Variants in COG3 observed in about 807,000 individuals in gnomAD.
COG3 encodes the protein component of oligomeric golgi complex 3.
In COG3, 32 loss-of-function variants were observed where a neutral mutation model predicts 114.1. The ratio of observed to expected loss-of-function variants is 0.28; its 90% CI spans 0.21 to 0.38. The LOEUF (loss-of-function observed/expected upper bound fraction) is 0.38. COG3 is among the 10% of genes least tolerant of loss of function. The probability of loss-of-function intolerance (pLI) is 1.00; values close to 1 mark genes in which losing one functional copy is unlikely to be tolerated. For synonymous variants in COG3, 352 were observed against 365.7 expected, an observed-to-expected ratio of 0.96 and a Z score of 0.43; for missense variants, 813 against 973.2, an observed-to-expected ratio of 0.84 and a Z score of 2.19.
intron 16 of COG3, among the ~76,000 whole-genome samples, chr13:45,514,276 T>A (rs1451156529): frequency 6.7e-6 from 1 of 150,192 alleles, no homozygotes; most frequent in African/African-American, 2.5e-5. Flanking sequence ...TTCTTGTGCC[T>A]TAGCCACCCA....
In COG3 at chr13:45,491,441, A is replaced by G. The variant is rs759191300; in HGVS notation, c.998A>G (p.Gln333Arg). The G allele has an allele frequency of 3.7e-6, 6 of 1,612,296 alleles. No individual in the cohort carries two copies. The highest frequency in any genetic ancestry group is 5.1e-6 in the Non-Finnish European group (6 of 1,179,436). The change falls in exon 10 of 23, where the codon CAG (glutamine) becomes CGG (arginine). Residue 333 changes from glutamine to arginine, a missense_variant. Transcript: ENST00000349995. ...EYQQLLNDIH[Q>R]CYLDQRELLL... Reference sequence around the variant, plus strand: ...CAACAACTGCTAAATGATATCCACCAGTGTTACCTTGATCAGCGGGAGCTC... The same window carrying G: ...CAACAACTGCTAAATGATATCCACCGGTGTTACCTTGATCAGCGGGAGCTC...
chr13:45,524,955 T>A, intron 19 of COG3, 21 bp from the exon 20 acceptor site: 3 of 1,605,560 alleles, frequency 1.9e-6, no homozygotes, highest in Non-Finnish European at 2.6e-6. Context: ...AAACTTTTTT[T>A]CTTTTTGTCT....
At chr13:45,519,849 C>A (rs1248495532) in intron 19 of COG3, among the ~76,000 whole-genome samples, 1 of 152,168 alleles carries the variant, frequency 6.6e-6, no homozygotes, top group African/African-American at 2.4e-5. Flanking sequence ...TCTCTGTCTT[C>A]TAATCTAAAA....
At chr13:45,485,400 GC>G (rs1232527954) in intron 7 of COG3, among the ~76,000 whole-genome samples, 2 of 1,284 alleles carry the variant, frequency 1.6e-3, no homozygotes, top group Non-Finnish European at 2.7e-3. Context: ...GGCTGGCCGG[GC>G]GGGGGGGCTG....
At chr13:45,489,412 A>G (rs2137824404) in intron 8 of COG3, among the ~76,000 whole-genome samples, 1 of 152,128 alleles carries the variant, frequency 6.6e-6, no homozygotes, top group East Asian at 1.9e-4. Context: ...TTATGGCATG[A>G]AGATTTAGAT....
Position 45,465,430 on chromosome 13 carries a change from G to A in COG3, c.174+220G>A, listed in dbSNP as rs1217909570. ...ATTCTGCCTGGGGACGGCTGTGGGG[G>A]TGTCCTGCAGCTGGTGCTCGCCGGA... On this transcript the variant is annotated intron_variant, in intron 1 of 22. Transcript: ENST00000349995. The A allele has an allele frequency of 1.9e-5, 14 of 719,388 alleles. No individual in the cohort carries two copies. In the South Asian group the frequency reaches 3.0e-4, roughly 15 times the overall value. The allele number at this position is 719,388 out of a possible 1,614,324, so 44.6% of individuals were successfully genotyped here.
At chr13:45,488,271 G>A (rs1375834614) in intron 8 of COG3, among the ~76,000 whole-genome samples, 2 of 152,024 alleles carry the variant, frequency 1.3e-5, no homozygotes, top group African/African-American at 4.8e-5. Flanking sequence ...GGGTATAAAT[G>A]TACAGTTTAA....
At chr13:45,512,864 C>G (rs2137887061) in intron 16 of COG3, among the ~76,000 whole-genome samples, 1 of 152,270 alleles carries the variant, frequency 6.6e-6, no homozygotes, top group African/African-American at 2.4e-5. Flanking sequence ...ATCCTCTTGA[C>G]TCAGCCTTCC....
At chr13:45,521,567 A>G (rs1030400909) in intron 19 of COG3, among the ~76,000 whole-genome samples, 1 of 142,786 alleles carries the variant, frequency 7.0e-6, no homozygotes, top group Non-Finnish European at 1.5e-5. Context: ...AGAGACAAAG[A>G]TACATACGTG....
Position 45,496,271 on chromosome 13 carries a change from C to G in COG3, c.1447C>G (p.Pro483Ala), listed in dbSNP as rs751320205. ...GGACATCACGGGCTATAAACCAGCT[C>G]CTGGAGATCTGGCATATCCCGATAA... Reference protein sequence around the residue: ...QTDITGYKPAPGDLAYPDKLV... With the variant: ...QTDITGYKPAAGDLAYPDKLV... Residue 483 changes from proline (P) to alanine (A), a missense_variant, in exon 13 of 23, where the codon CCT (proline) becomes GCT (alanine). By Grantham distance (27) the Pro-to-Ala change is conservative (BLOSUM62 -1). Transcript: ENST00000349995. 1 of 1,609,604 alleles carries G rather than the reference C, an allele frequency of 6.2e-7. No homozygotes were observed. Among genetic ancestry groups the G allele is most frequent in the South Asian group, 1.1e-5 (1 of 90,720 alleles).
intron 17 of COG3, among the ~76,000 whole-genome samples, chr13:45,518,422 A>T (rs939703274): frequency 6.6e-6 from 1 of 152,256 alleles, no homozygotes; most frequent in Non-Finnish European, 1.5e-5. Context: ...TTAATAAAGA[A>T]GCTGGGTAAG....
At chr13:45,526,666 T>C (rs1026652026) in intron 20 of COG3, among the ~76,000 whole-genome samples, 5 of 152,220 alleles carry the variant, frequency 3.3e-5, no homozygotes, top group Non-Finnish European at 7.3e-5. Context: ...TTTATTATTT[T>C]AAACGTTCGT....
In COG3 at chr13:45,486,161, C is replaced by T. The variant is rs879687291; in HGVS notation, c.844-334C>T. Among the ~76,000 whole-genome samples the T allele has an allele frequency of 2.9e-3, 422 of 143,654 alleles. 8 individuals carry two copies. Among genetic ancestry groups the T allele is most frequent in the African/African-American group, 0.012 (404 of 34,962 alleles). 94.2% of individuals were successfully genotyped at this position (143,654 alleles called of 152,430 possible). On this transcript the variant is annotated intron_variant, in intron 7 of 22. Coordinates refer to ENST00000349995, the MANE Select transcript of COG3 (RefSeq NM_031431.4). ...CCCGTCTCCACCAAAACCAATCAGG[C>T]GTGGCGGTGCGTGCCTGCAATCGCA...
chr13:45,476,100 TTC>T lies in COG3; in HGVS notation c.175-99_175-98del, dbSNP rs1220310730. ...CTTAATGTGATTTAATGGAAAATAT[TTC>T]TTTCTCTTTCAAAACAACTGAGATG... On this transcript the variant is annotated intron_variant, in intron 1 of 22. Transcript: ENST00000349995. 2.8e-6 allele frequency: 3 copies of T among 1,064,710 alleles called. No homozygotes were observed. The African/African-American group carries it at 4.8e-5, about 17-fold the overall frequency. 66.0% of individuals were successfully genotyped at this position (1,064,710 alleles called of 1,614,324 possible).
At chr13:45,482,543 G>T in intron 6 of COG3, 70 bp downstream of exon 6, 2 of 730,130 alleles carry the variant, frequency 2.7e-6, no homozygotes. Context: ...ATCTTTTTGT[G>T]TTTTTCAACT....
At chr13:45,511,655 C>T (rs1870878421) in intron 15 of COG3, 110 bp from the exon 16 acceptor site, 10 of 765,454 alleles carry the variant, frequency 1.3e-5, no homozygotes, top group Non-Finnish European at 2.2e-5. Flanking sequence ...GTAAATTAAT[C>T]CAACCATGAG....
At chr13:45,532,655 C>T (rs975068691) in intron 22 of COG3, among the ~76,000 whole-genome samples, 21 of 149,790 alleles carry the variant, frequency 1.4e-4, no homozygotes, top group African/African-American at 4.7e-4. Context: ...CTGCAAGCTC[C>T]GCCTCCCGGG....
At chr13:45,523,613 C>T (rs989715929) in intron 19 of COG3, among the ~76,000 whole-genome samples, 3 of 152,058 alleles carry the variant, frequency 2.0e-5, no homozygotes, top group African/African-American at 7.2e-5. Context: ...GATTAATATA[C>T]TAGTTTATAT....
chr13:45,486,891 A>T (rs1425865216), intron 8 of COG3, among the ~76,000 whole-genome samples: 4 of 152,238 alleles, frequency 2.6e-5, no homozygotes, highest in African/African-American at 9.6e-5. Flanking sequence ...AGAACAGCAC[A>T]TATAGGGAAG....
Sources: gnomAD v4.1 joint callset for allele counts (sites outside exome capture counted in the v4.1 genomes callset) on GRCh38, gnomAD v4.1.1 for gene constraint, MANE v1.5 for transcripts, NCBI Gene and HGNC (gene_info 2026-07-23, HGNC 2026-07-21) for gene names.